Variants in CORO1C observed in about 807,000 individuals in gnomAD.
CORO1C encodes the protein coronin-1C.
A neutral mutation model predicts 51.2 loss-of-function variants in CORO1C; 14 were observed. The ratio of observed to expected loss-of-function variants is 0.27; its 90% CI spans 0.18 to 0.43. The LOEUF is 0.43. Among genes scored for constraint, CORO1C ranks in the 20% least tolerant of loss-of-function variants. CORO1C has a pLI of 1.00. For synonymous variants in CORO1C, 181 were observed against 210.5 expected, an observed-to-expected ratio of 0.86 and a Z score of 1.21; for missense variants, 417 against 607.8, an observed-to-expected ratio of 0.69 and a Z score of 3.30.
chr12:108,714,043 C>T (rs1338519583), intron 1 of CORO1C, among the ~76,000 whole-genome samples: 1 of 152,196 alleles, frequency 6.6e-6, no homozygotes, highest in Non-Finnish European at 1.5e-5. Flanking sequence ...AATCTTACTT[C>T]TCACTGAAAA....
intron 1 of CORO1C, among the ~76,000 whole-genome samples, chr12:108,708,740 G>A (rs1292549214): frequency 1.3e-5 from 2 of 152,138 alleles, no homozygotes; most frequent in Non-Finnish European, 2.9e-5. Context: ...GGGATTACGG[G>A]CGTGAGCCAC....
chr12:108,674,782 G>A (rs1345749791), intron 3 of CORO1C, among the ~76,000 whole-genome samples: 1 of 152,178 alleles, frequency 6.6e-6, no homozygotes, highest in African/African-American at 2.4e-5. Context: ...GAACAGATGA[G>A]GAGTTGTTCC....
chr12:108,658,135 C>T lies in CORO1C; in HGVS notation c.630+603G>A, dbSNP rs953168953. Among the ~76,000 whole-genome samples the T allele has an allele frequency of 3.9e-5, 6 of 152,214 alleles. No individual in the cohort carries two copies. The highest frequency in any genetic ancestry group is 1.4e-4 in the African/African-American group (6 of 41,446). ...TTTTGTTGAGGTCCAGTTTGGGTGGCAGAAACTAAGACACTGAGCTGATGA... is the reference window on the plus strand; with the variant it reads ...TTTTGTTGAGGTCCAGTTTGGGTGGTAGAAACTAAGACACTGAGCTGATGA... On this transcript the variant is annotated intron_variant, in intron 5 of 10. Coordinates refer to ENST00000261401, the MANE Select transcript of CORO1C (RefSeq NM_014325.4). The surrounding 1 kb of genome is among the most constrained non-coding windows in gnomAD (Gnocchi z 4.9).
intron 3 of CORO1C, among the ~76,000 whole-genome samples, chr12:108,669,502 G>A (rs565410482): frequency 5.9e-5 from 9 of 152,150 alleles, no homozygotes; most frequent in African/African-American, 1.9e-4. Flanking sequence ...GGCAACTGGG[G>A]CTGAGAGCGT....
At chr12:108,655,884 T>G (rs2032945688) in intron 6 of CORO1C, among the ~76,000 whole-genome samples, 1 of 148,462 alleles carries the variant, frequency 6.7e-6, no homozygotes. Flanking sequence ...CTGCCCAGTC[T>G]GGGAAGTGAG....
intron 6 of CORO1C, among the ~76,000 whole-genome samples, chr12:108,655,265 A>T (rs2032888941): frequency 6.6e-6 from 1 of 152,180 alleles, no homozygotes; most frequent in Admixed American, 6.5e-5. Flanking sequence ...TAGACAACTG[A>T]TCATATTATT....
chr12:108,729,576 A>G (rs1364852268), intron 1 of CORO1C, among the ~76,000 whole-genome samples: 1 of 152,242 alleles, frequency 6.6e-6, no homozygotes, highest in Non-Finnish European at 1.5e-5. Flanking sequence ...GACCTAAGGT[A>G]CAACACAATT....
chr12:108,670,941 G>T (rs1045679156), intron 3 of CORO1C, among the ~76,000 whole-genome samples: 1 of 149,336 alleles, frequency 6.7e-6, no homozygotes, highest in Non-Finnish European at 1.5e-5. Context: ...AAGAACACAA[G>T]AGCAAATAAA....
intron 6 of CORO1C, among the ~76,000 whole-genome samples, chr12:108,655,899 G>T (rs547361254): frequency 0.019 from 2,797 of 149,748 alleles, 73 homozygotes; most frequent in African/African-American, 0.065. Flanking sequence ...AGTGAGGAGC[G>T]CCTCTTCCCG....
intron 6 of CORO1C, 43 bp from the exon 7 acceptor site, chr12:108,654,453 AT>A (rs745933168): frequency 6.3e-6 from 7 of 1,110,422 alleles, no homozygotes; most frequent in East Asian, 2.4e-5. Context: ...GTATGTATAC[AT>A]TTTTTTAAAA....
In CORO1C at chr12:108,658,960, C is replaced by T. The variant is rs1392638520; in HGVS notation, c.449-41G>A. 1.2e-5 allele frequency: 19 copies of T among 1,581,302 alleles called. No homozygotes were observed. Among genetic ancestry groups the T allele is most frequent in the Non-Finnish European group, 1.6e-5 (18 of 1,154,536 alleles). On this transcript the variant is annotated intron_variant, in intron 4 of 10. Transcript: ENST00000261401. This position sits in a 1 kb window ranked among gnomAD's most constrained non-coding sequence, Gnocchi z 4.9. ...CCATCAGAGATTAGAAGATTAGAAACACCTATGTAACACACTCAGAAAACT... is the reference window on the plus strand; with the variant it reads ...CCATCAGAGATTAGAAGATTAGAAATACCTATGTAACACACTCAGAAAACT...
chr12:108,679,130 G>GA (rs2034027068), intron 2 of CORO1C, among the ~76,000 whole-genome samples: 2 of 50,768 alleles, frequency 3.9e-5, no homozygotes, highest in Non-Finnish European at 7.4e-5. Flanking sequence ...AAAAAAAAAA[G>GA]AAACAAGAAA....
chr12:108,706,242 A>G (rs144540123), intron 1 of CORO1C, among the ~76,000 whole-genome samples: 165 of 152,076 alleles, frequency 1.1e-3, no homozygotes, highest in African/African-American at 3.8e-3. Context: ...ATACTCTTTC[A>G]TGATAAAACA....
Position 108,656,572 on chromosome 12 carries a change from G to A in CORO1C, c.750+732C>T, listed in dbSNP as rs183580012. Reference sequence around the variant, plus strand: ...GTGTACCCAACAGCTCATTGAGAACGGGCCATGATGACGATGGCGGTTTTG... The same window carrying A: ...GTGTACCCAACAGCTCATTGAGAACAGGCCATGATGACGATGGCGGTTTTG... On this transcript the variant is annotated intron_variant, in intron 6 of 10. Coordinates refer to ENST00000261401, the MANE Select transcript of CORO1C (RefSeq NM_014325.4). Among the ~76,000 whole-genome samples, 356 of 152,356 alleles carry A rather than the reference G, an allele frequency of 2.3e-3. 2 individuals carry two copies. Among genetic ancestry groups the A allele is most frequent in the African/African-American group, 8.1e-3 (338 of 41,590 alleles).
chr12:108,652,055 CT>C (rs202228272), intron 8 of CORO1C: 2,449 of 142,820 alleles, frequency 0.017, 1 homozygote, highest in Non-Finnish European at 0.02. Context: ...TTTTTCTTTT[CT>C]TTTTTTTTTT....
At chr12:108,713,373 A>C (rs948436715) in intron 1 of CORO1C, among the ~76,000 whole-genome samples, 5 of 152,228 alleles carry the variant, frequency 3.3e-5, no homozygotes, top group Non-Finnish European at 7.3e-5. Context: ...GAATGGTAAA[A>C]ATTAAGGGAA....
At chr12:108,654,188 T>C (rs547713990) in intron 7 of CORO1C, 118 bp downstream of exon 7, 1 of 704,454 alleles carries the variant, frequency 1.4e-6, no homozygotes, top group East Asian at 2.5e-5. Flanking sequence ...GCTTATAACA[T>C]ACACACACAA....
At chr12:108,652,845 T>TCACAGACCTAACGGCACCA (rs57173285) in intron 7 of CORO1C, among the ~76,000 whole-genome samples, 1 of 151,918 alleles carries the variant, frequency 6.6e-6, no homozygotes, top group Non-Finnish European at 1.5e-5. Flanking sequence ...GCAATGCTGT[T>TCACAGACCTAACGGCACCA]ATGCCAGTAT....
intron 1 of CORO1C, among the ~76,000 whole-genome samples, chr12:108,725,866 A>G (rs530019095): frequency 3.7e-4 from 57 of 152,126 alleles, no homozygotes; most frequent in African/African-American, 1.3e-3. Context: ...GCTGGAGTGC[A>G]ACTCTGTCGC....
Sources: gnomAD v4.1 joint callset for allele counts (sites outside exome capture counted in the v4.1 genomes callset) on GRCh38, gnomAD v4.1.1 for gene constraint, Gnocchi (gnomAD v3.1) non-coding constraint, MANE v1.5 for transcripts, NCBI Gene and HGNC (gene_info 2026-07-23, HGNC 2026-07-21) for gene names.